TTC6: variants seen among roughly 807,000 people sequenced by gnomAD.
The protein encoded by TTC6 is tetratricopeptide repeat domain 6.
A neutral mutation model predicts 210.4 loss-of-function variants in TTC6; 172 were observed. The ratio of observed to expected loss-of-function variants is 0.82; its 90% CI spans 0.72 to 0.93. The LOEUF (loss-of-function observed/expected upper bound fraction) is 0.93. TTC6 is among the 40% of genes least tolerant of loss of function. TTC6 has a pLI of 0.00. For missense variants in TTC6, 2,414 were observed against 2,318.1 expected (o/e 1.04, Z -0.85); for synonymous variants, 804 against 819.6 (o/e 0.98, Z 0.32).
At chr14:37,699,956 C>G (rs1305776558) in intron 4 of TTC6, among the ~76,000 whole-genome samples, 1 of 151,974 alleles carries the variant, frequency 6.6e-6, no homozygotes, top group African/African-American at 2.4e-5. Context: ...AAACCAATGG[C>G]TAAGTCATAT....
chr14:37,607,294 T>G (rs899818441), intron 2 of TTC6, among the ~76,000 whole-genome samples: 9 of 152,212 alleles, frequency 5.9e-5, no homozygotes, highest in African/African-American at 2.2e-4. Context: ...TGTCCTTGTG[T>G]GTTCCCCAAG....
Position 37,719,621 on chromosome 14 carries a change from A to G in TTC6, c.1713+4825A>G, listed in dbSNP as rs1156343552. Among the ~76,000 whole-genome samples the G allele has an allele frequency of 2.0e-5, 3 of 152,172 alleles. No homozygotes were observed. In the East Asian group the frequency reaches 5.8e-4, roughly 29 times the overall value. On this transcript the variant is annotated intron_variant, in intron 6 of 30. Transcript: ENST00000553443. ...TGGTGTAGGATAGTCTTTTCAAACA[A>G]TTGTTGCTCAATCAGTTGTACATCC...
At chr14:37,804,559 C>T (rs2096114058) in intron 20 of TTC6, 121 bp from the exon 23 acceptor site, 1 of 1,299,842 alleles carries the variant, frequency 7.7e-7, no homozygotes, top group East Asian at 2.3e-5. Context: ...CTGTTTGTCC[C>T]CAGATAAAGT....
chr14:37,654,324 G>A (rs1325690439), intron 1 of TTC6, among the ~76,000 whole-genome samples: 1 of 152,132 alleles, frequency 6.6e-6, no homozygotes, highest in Admixed American at 6.5e-5. Flanking sequence ...TTTCCGTGAT[G>A]TGGTTGTTTC....
chr14:37,741,273 CTTTTTTTTTTTTTTTTTTTTTT>C (rs10600031), intron 10 of TTC6, among the ~76,000 whole-genome samples: 20 of 82,296 alleles, frequency 2.4e-4, no homozygotes, highest in African/African-American at 8.4e-4. Flanking sequence ...TTTTTTCCCA[CTTTTTTTTTTTTTTTTTTTTTT>C]TTTTTTTTTT....
intron 22 of TTC6, 102 bp downstream of exon 24, chr14:37,806,612 T>G (rs2096119096): frequency 7.1e-6 from 8 of 1,121,140 alleles, no homozygotes; most frequent in Non-Finnish European, 9.6e-6. Context: ...AATCAGTTTC[T>G]TATACCTACT....
At chr14:37,742,321 C>G (rs577944334) in intron 10 of TTC6, among the ~76,000 whole-genome samples, 2 of 152,278 alleles carry the variant, frequency 1.3e-5, no homozygotes, top group African/African-American at 2.4e-5. Flanking sequence ...CTCAGAGAAG[C>G]AGAATTTATT....
chr14:37,741,733 A>G (rs1420533958), intron 10 of TTC6, among the ~76,000 whole-genome samples: 2 of 152,150 alleles, frequency 1.3e-5, no homozygotes, highest in Non-Finnish European at 2.9e-5. Context: ...TTATACATCA[A>G]GTTGAATTAT....
chr14:37,605,095 T>G (rs566127399), intron 1 of TTC6, among the ~76,000 whole-genome samples: 14 of 152,274 alleles, frequency 9.2e-5, no homozygotes, highest in Admixed American at 9.2e-4. Context: ...ATGCTAAAGT[T>G]TAATTAAGAC....
intron 2 of TTC6, among the ~76,000 whole-genome samples, chr14:37,613,297 T>C (rs1566838991): frequency 6.6e-6 from 1 of 152,132 alleles, no homozygotes. Context: ...TATAATAAAA[T>C]CAGATACTTA....
exon 12 of TTC6, chr14:37,749,746 C>A (rs2095946310): frequency 2.7e-6 from 4 of 1,456,998 alleles, no homozygotes; most frequent in Non-Finnish European, 3.6e-6. Context: ...TTCTCAATGC[C>A]TATTGGCATC....
chr14:37,716,152 T>C (rs2095852384), intron 6 of TTC6, among the ~76,000 whole-genome samples: 1 of 152,094 alleles, frequency 6.6e-6, no homozygotes, highest in Non-Finnish European at 1.5e-5. Context: ...GTAAGCTATA[T>C]TTATAAAATG....
At chr14:37,644,499 G>A (rs1211818872) in intron 1 of TTC6, among the ~76,000 whole-genome samples, 1 of 152,164 alleles carries the variant, frequency 6.6e-6, no homozygotes, top group East Asian at 1.9e-4. Context: ...GAATTTAGCT[G>A]CATGATAACA....
rs1403431266 is a variant in TTC6 at position 37,622,114 on chromosome 14, A to G, written c.50A>G (p.Tyr17Cys). The change falls in exon 1 of 31, where the codon TAT (tyrosine) becomes TGT (cysteine). Residue 17 changes from tyrosine to cysteine, a missense_variant. Tyr to Cys is a radical substitution (Grantham distance 194, BLOSUM62 -2). Transcript: ENST00000553443. ...GGCCTGAAATACAAAGAGGAATCGTATATGTTTAAAGAGCTTGAGAAAGTT... is the reference window on the plus strand; with the variant it reads ...GGCCTGAAATACAAAGAGGAATCGTGTATGTTTAAAGAGCTTGAGAAAGTT... The G allele has an allele frequency of 5.9e-6, 9 of 1,535,204 alleles. No homozygotes were observed. The East Asian group carries it at 1.5e-4, about 25-fold the overall frequency.
intron 14 of TTC6, among the ~76,000 whole-genome samples, chr14:37,767,152 G>A (rs184757306): frequency 0.015 from 2,353 of 152,286 alleles, 66 homozygotes; most frequent in African/African-American, 0.053. Flanking sequence ...TGGCTGCATA[G>A]TATTCCATGG....
At chr14:37,817,241 A>G (rs565211105) in intron 25 of TTC6, among the ~76,000 whole-genome samples, 4 of 152,280 alleles carry the variant, frequency 2.6e-5, no homozygotes, top group Non-Finnish European at 5.9e-5. Flanking sequence ...GGAATAAACA[A>G]TAGAAAGAAA....
intron 25 of TTC6, among the ~76,000 whole-genome samples, chr14:37,814,400 T>G (rs1055645572): frequency 9.2e-5 from 14 of 151,748 alleles, no homozygotes; most frequent in African/African-American, 3.4e-4. Flanking sequence ...GTCAAAAAGG[T>G]AGAAAATAAA....
chr14:37,641,564 C>T (rs1025083832), intron 1 of TTC6, among the ~76,000 whole-genome samples: 1 of 152,138 alleles, frequency 6.6e-6, no homozygotes, highest in Non-Finnish European at 1.5e-5. Flanking sequence ...GAATCTTAGT[C>T]TCACCACAGT....
intron 5 of TTC6, among the ~76,000 whole-genome samples, chr14:37,703,951 C>A (rs1409306063): frequency 6.6e-6 from 1 of 152,148 alleles, no homozygotes; most frequent in Non-Finnish European, 1.5e-5. Context: ...TTAATGTTAA[C>A]AACTTGGTGA....
Sources: allele counts gnomAD v4.1 joint callset (sites outside exome capture counted in the v4.1 genomes callset), GRCh38; gene constraint gnomAD v4.1.1; transcripts MANE v1.5; gene names NCBI Gene and HGNC (gene_info 2026-07-23, HGNC 2026-07-21).